Variants in FSTL4 observed in about 807,000 individuals in gnomAD.
FSTL4 encodes the protein follistatin like 4.
In FSTL4, 28 loss-of-function variants were observed where a neutral mutation model predicts 78.2. That is an observed-to-expected ratio of 0.36 (90% CI 0.27 to 0.49). The LOEUF is 0.49. FSTL4 is among the 20% of genes least tolerant of loss of function. The pLI, the probability that FSTL4 is intolerant of heterozygous loss-of-function variation, is 0.98. For missense variants in FSTL4, 922 were observed against 1,084.9 expected, an observed-to-expected ratio of 0.85 and a Z score of 2.11; for synonymous variants, 422 against 440.5, an observed-to-expected ratio of 0.96 and a Z score of 0.53.
intron 4 of FSTL4, among the ~76,000 whole-genome samples, chr5:133,396,066 T>C (rs910429445): frequency 9.9e-5 from 15 of 152,190 alleles, no homozygotes; most frequent in African/African-American, 2.9e-4. Flanking sequence ...TAAATAAATA[T>C]GGAGGGCCAA....
rs144347676 is a variant in FSTL4 at position 133,422,323 on chromosome 5, T to C, written c.161-21337A>G. 7.2e-5 allele frequency among the ~76,000 whole-genome samples: 11 copies of C among 152,052 alleles called. No individual in the cohort carries two copies. The East Asian group carries it at 2.1e-3, about 29-fold the overall frequency. On this transcript the variant is annotated intron_variant, in intron 3 of 15. Transcript: ENST00000265342. ...TGCATGCTGGCTGCTGGGTGGAGGA[T>C]TGACAGAAATGTGGCAAAAGGAGAA...
chr5:133,505,518 A>G (rs1370035347), intron 3 of FSTL4, among the ~76,000 whole-genome samples: 4 of 152,092 alleles, frequency 2.6e-5, no homozygotes, highest in Non-Finnish European at 5.9e-5. Context: ...CCCAGAAGAC[A>G]AACAGTAAGA....
chr5:133,334,431 G>A (rs1456782515), intron 4 of FSTL4, among the ~76,000 whole-genome samples: 1 of 152,102 alleles, frequency 6.6e-6, no homozygotes, highest in Non-Finnish European at 1.5e-5. Context: ...TCTTTCAAAA[G>A]GCCACCTGAG....
At chr5:133,372,233 GTATC>G (rs1485012034) in intron 4 of FSTL4, among the ~76,000 whole-genome samples, 22 of 122,220 alleles carry the variant, frequency 1.8e-4, no homozygotes, top group African/African-American at 6.5e-4. Flanking sequence ...ATGTATCTAT[GTATC>G]TATGTATCTA....
chr5:133,505,359 C>A (rs942107946), intron 3 of FSTL4, among the ~76,000 whole-genome samples: 1 of 152,206 alleles, frequency 6.6e-6, no homozygotes, highest in Non-Finnish European at 1.5e-5. Context: ...CTTCTCCATT[C>A]TCCAGTCATC....
At chr5:133,436,538 G>T (rs566798819) in intron 3 of FSTL4, among the ~76,000 whole-genome samples, 1 of 152,122 alleles carries the variant, frequency 6.6e-6, no homozygotes, top group South Asian at 2.1e-4. Flanking sequence ...GCATTGAGAA[G>T]TTATTAAACA....
At chr5:133,671,968 AT>A in the FSTL4 span, among the ~76,000 whole-genome samples, 1 of 152,240 alleles carries the variant, frequency 6.6e-6, no homozygotes, top group Non-Finnish European at 1.5e-5. Context: ...CTTTGAATAA[AT>A]TTTGCTTCTA....
At chr5:133,393,637 A>G (rs1214650886) in intron 4 of FSTL4, among the ~76,000 whole-genome samples, 1 of 152,272 alleles carries the variant, frequency 6.6e-6, no homozygotes. Flanking sequence ...GAGAAAGTGG[A>G]GGCCAGCTTC....
the FSTL4 span, among the ~76,000 whole-genome samples, chr5:133,720,204 A>G: frequency 6.6e-6 from 1 of 152,240 alleles, no homozygotes; most frequent in East Asian, 1.9e-4. Context: ...GAAAATTCTC[A>G]TTTTGTATCA....
intron 4 of FSTL4, among the ~76,000 whole-genome samples, chr5:133,342,719 C>T (rs1754608892): frequency 6.6e-6 from 1 of 152,190 alleles, no homozygotes; most frequent in Non-Finnish European, 1.5e-5. Context: ...AAACATTCCC[C>T]TTTCATGGGG....
At chr5:133,604,624 G>A (rs923901889) in intron 1 of FSTL4, among the ~76,000 whole-genome samples, 15 of 152,082 alleles carry the variant, frequency 9.9e-5, no homozygotes, top group East Asian at 9.6e-4. Flanking sequence ...CAGGAGAATC[G>A]CTTGAACTCG....
the FSTL4 span, among the ~76,000 whole-genome samples, chr5:133,659,878 CA>C: frequency 6.6e-6 from 1 of 151,496 alleles, no homozygotes; most frequent in African/African-American, 2.4e-5. Context: ...GAGAAATAGA[CA>C]AAAACAAGCC....
the FSTL4 span, among the ~76,000 whole-genome samples, chr5:133,737,603 T>C: frequency 3.9e-4 from 21 of 53,872 alleles, no homozygotes; most frequent in Non-Finnish European, 6.6e-4. Context: ...GCTGATTTCC[T>C]TTTTTTTTTT....
chr5:133,357,239 TCC>T (rs1412666556), intron 4 of FSTL4, among the ~76,000 whole-genome samples: 1 of 152,050 alleles, frequency 6.6e-6, no homozygotes, highest in East Asian at 1.9e-4. Flanking sequence ...AGAGTCTCAG[TCC>T]CCCTCCTGTT....
chr5:133,833,095 G>A, the FSTL4 span, among the ~76,000 whole-genome samples: 201 of 152,314 alleles, frequency 1.3e-3, no homozygotes, highest in African/African-American at 4.7e-3. Flanking sequence ...TGGATGATTT[G>A]CTATATCCCC....
the FSTL4 span, among the ~76,000 whole-genome samples, chr5:133,841,510 G>C: frequency 6.6e-6 from 1 of 152,166 alleles, no homozygotes; most frequent in African/African-American, 2.4e-5. Flanking sequence ...GCTCCATATT[G>C]ACCACCTACT....
At chr5:133,242,638 C>A (rs1412083777) in intron 7 of FSTL4, among the ~76,000 whole-genome samples, 2 of 152,128 alleles carry the variant, frequency 1.3e-5, no homozygotes, top group African/African-American at 4.8e-5. Context: ...CCCACAGGTT[C>A]CACAGGCTGG....
chr5:133,244,060 C>G (rs1751962151), intron 7 of FSTL4: 1 of 152,420 alleles, frequency 6.6e-6, no homozygotes, highest in African/African-American at 2.4e-5. Flanking sequence ...AGGCAGCACC[C>G]CATCCTTCCC....
At chr5:133,278,974 C>T (rs575065187) in intron 6 of FSTL4, among the ~76,000 whole-genome samples, 1 of 152,340 alleles carries the variant, frequency 6.6e-6, no homozygotes, top group Admixed American at 6.5e-5. Flanking sequence ...ATGTGTTTTG[C>T]CCGCCCTGCA....
Sources: gnomAD v4.1 joint callset for allele counts (sites outside exome capture counted in the v4.1 genomes callset) on GRCh38, gnomAD v4.1.1 for gene constraint, MANE v1.5 for transcripts, NCBI Gene and HGNC (gene_info 2026-07-23, HGNC 2026-07-21) for gene names.